Variants in LRP1B observed in about 807,000 individuals in gnomAD.
LRP1B encodes the protein LDL receptor related protein 1B, also known as low-density lipoprotein receptor-related protein 1B.
Under a neutral mutation model 556.6 loss-of-function variants are expected in LRP1B, and 217 were observed. The ratio of observed to expected loss-of-function variants is 0.39; its 90% CI spans 0.35 to 0.44. The LOEUF (loss-of-function observed/expected upper bound fraction) is 0.44, where lower values mean the gene tolerates loss of function less well. Ranked by LOEUF, LRP1B falls within the 20% of genes least tolerant of loss-of-function variation. LRP1B has a pLI of 1.00. For synonymous variants in LRP1B, 2,047 were observed against 1,865.8 expected (o/e 1.10, Z -2.50); for missense variants, 5,053 against 5,620.8 (o/e 0.90, Z 3.23).
chr2:140,763,303 A>G (rs1688992950), intron 35 of LRP1B, among the ~76,000 whole-genome samples: 1 of 152,108 alleles, frequency 6.6e-6, no homozygotes, highest in African/African-American at 2.4e-5. Flanking sequence ...GAGTGGGGAG[A>G]AAGAGTGGTA....
intron 2 of LRP1B, among the ~76,000 whole-genome samples, chr2:141,768,946 TTATC>T (rs1471175455): frequency 2.6e-5 from 4 of 152,010 alleles, no homozygotes; most frequent in South Asian, 2.1e-4. Flanking sequence ...ATCTTTCTAT[TTATC>T]TATCTATGTC....
chr2:141,638,996 AT>A (rs1317812296), intron 2 of LRP1B, among the ~76,000 whole-genome samples: 7 of 52,504 alleles, frequency 1.3e-4, no homozygotes, highest in African/African-American at 3.7e-4. Flanking sequence ...AAAAAAAAAT[AT>A]ATATATATAT....
At chr2:141,002,917 A>G (rs1697466618) in intron 15 of LRP1B, among the ~76,000 whole-genome samples, 1 of 152,042 alleles carries the variant, frequency 6.6e-6, no homozygotes, top group Non-Finnish European at 1.5e-5. Context: ...ATTCTTGGTC[A>G]GATATGCTAA....
intron 32 of LRP1B, among the ~76,000 whole-genome samples, chr2:140,789,146 C>G (rs1182936445): frequency 2.0e-5 from 3 of 152,114 alleles, no homozygotes; most frequent in Admixed American, 1.3e-4. Context: ...GGATAAAGTA[C>G]TGTAGAAAAT....
At chr2:141,791,939 A>G (rs1238808015) in intron 2 of LRP1B, among the ~76,000 whole-genome samples, 3 of 152,030 alleles carry the variant, frequency 2.0e-5, no homozygotes, top group Non-Finnish European at 4.4e-5. Context: ...GAGAGTACAT[A>G]GATTCCCATG....
At chr2:141,366,305 A>G (rs1037830012) in intron 3 of LRP1B, among the ~76,000 whole-genome samples, 2 of 152,216 alleles carry the variant, frequency 1.3e-5, no homozygotes, top group African/African-American at 4.8e-5. Flanking sequence ...TATATGACTT[A>G]TACAAAAACA....
intron 18 of LRP1B, among the ~76,000 whole-genome samples, chr2:140,965,804 G>GTT (rs56096461): frequency 0.75 from 108,439 of 144,866 alleles, 41,295 homozygotes; most frequent in Non-Finnish European, 0.8. Flanking sequence ...AACATGCAGT[G>GTT]TTTTTTTTTT....
chr2:141,767,091 A>G (rs1694755716), intron 2 of LRP1B, among the ~76,000 whole-genome samples: 1 of 152,150 alleles, frequency 6.6e-6, no homozygotes. Context: ...AGAAATAATA[A>G]AGCTTTCAGG....
intron 3 of LRP1B, among the ~76,000 whole-genome samples, chr2:141,365,828 A>G (rs1689012793): frequency 6.6e-6 from 1 of 151,538 alleles, no homozygotes; most frequent in South Asian, 2.1e-4. Flanking sequence ...ACCCGCCACT[A>G]CGCCCAGCTA....
intron 1 of LRP1B, among the ~76,000 whole-genome samples, chr2:142,110,282 C>T (rs1390466768): frequency 6.6e-6 from 1 of 151,758 alleles, no homozygotes; most frequent in South Asian, 2.1e-4. Context: ...ATGTAAAAGC[C>T]CTGCATGGTG....
In LRP1B at chr2:140,297,856, G is replaced by C. The variant is rs1558781017; in HGVS notation, c.12919C>G (p.Pro4307Ala). Reference sequence around the variant, plus strand: ...TATTCCGGCTGGCAGTGGCAGTAAGGCTGGTTTCCAGCAGTCACAATGCAG... The same window carrying C: ...TATTCCGGCTGGCAGTGGCAGTAAGCCTGGTTTCCAGCAGTCACAATGCAG... ...GTCIVTAGNQ[P>A]YCHCQPEYTG... The change falls in exon 84 of 91, where the codon CCT (proline) becomes GCT (alanine). Residue 4307 changes from proline to alanine, a missense_variant. Pro to Ala is a conservative substitution (Grantham distance 27). Coordinates refer to ENST00000389484, the MANE Select transcript of LRP1B (RefSeq NM_018557.3). 1.2e-6 allele frequency: 2 copies of C among 1,613,820 alleles called. No homozygotes were observed. The highest frequency in any genetic ancestry group is 1.3e-5 in the African/African-American group (1 of 74,898).
intron 23 of LRP1B, among the ~76,000 whole-genome samples, chr2:140,894,780 C>T (rs1693902281): frequency 6.6e-6 from 1 of 152,062 alleles, no homozygotes; most frequent in Admixed American, 6.6e-5. Context: ...GAAACCCCGT[C>T]TCTACAAAAA....
intron 86 of LRP1B, among the ~76,000 whole-genome samples, chr2:140,259,743 A>G (rs1173040436): frequency 6.6e-6 from 1 of 152,026 alleles, no homozygotes; most frequent in East Asian, 1.9e-4. Context: ...AACCTGCTGG[A>G]GAGAAACAGA....
intron 1 of LRP1B, among the ~76,000 whole-genome samples, chr2:142,093,283 C>T (rs1434693229): frequency 6.6e-6 from 1 of 152,038 alleles, no homozygotes; most frequent in Non-Finnish European, 1.5e-5. Flanking sequence ...CCCCCAATTC[C>T]TAGTTCGCTG....
intron 1 of LRP1B, among the ~76,000 whole-genome samples, chr2:141,947,730 A>T (rs559839423): frequency 6.6e-6 from 1 of 152,124 alleles, no homozygotes; most frequent in East Asian, 1.9e-4. Context: ...TAATCTGGTG[A>T]AGTGTTTATT....
chr2:141,356,195 C>A (rs528538046), intron 3 of LRP1B, among the ~76,000 whole-genome samples: 1 of 152,244 alleles, frequency 6.6e-6, no homozygotes, highest in South Asian at 2.1e-4. Flanking sequence ...TCCAAAGACA[C>A]CAATAGTAGC....
intron 1 of LRP1B, among the ~76,000 whole-genome samples, chr2:142,063,350 A>G (rs925195338): frequency 6.6e-6 from 1 of 151,598 alleles, no homozygotes; most frequent in African/African-American, 2.4e-5. Context: ...ACTATCAAAA[A>G]ATTATATAAT....
intron 6 of LRP1B, among the ~76,000 whole-genome samples, chr2:141,224,675 G>T (rs572235445): frequency 6.6e-6 from 1 of 152,264 alleles, no homozygotes; most frequent in South Asian, 2.1e-4. Flanking sequence ...CAGGGACATG[G>T]ATGGAGCTGG....
intron 21 of LRP1B, among the ~76,000 whole-genome samples, chr2:140,919,065 T>C (rs1694664398): frequency 6.6e-6 from 1 of 152,072 alleles, no homozygotes; most frequent in African/African-American, 2.4e-5. Flanking sequence ...TGTAAACTTA[T>C]TTTTCAGACA....
Sources: allele counts gnomAD v4.1 joint callset (sites outside exome capture counted in the v4.1 genomes callset), GRCh38; gene constraint gnomAD v4.1.1; transcripts MANE v1.5; gene names NCBI Gene and HGNC (gene_info 2026-07-23, HGNC 2026-07-21).